Variants in FAM107B observed in about 807,000 individuals in gnomAD.
The protein encoded by FAM107B is family with sequence similarity 107 member B.
Under a neutral mutation model 31.5 loss-of-function variants are expected in FAM107B, and 21 were observed. The observed-to-expected ratio is 0.67, with a 90% CI of 0.47 to 0.96. The LOEUF is 0.96. Ranked by LOEUF, FAM107B falls within the 40% of genes least tolerant of loss-of-function variation. The pLI is 0.00. For synonymous variants in FAM107B, 157 were observed against 141.5 expected (o/e 1.11, Z -0.78); for missense variants, 452 against 377.1 (o/e 1.20, Z -1.64).
At chr10:14,665,030 A>G (rs1405339846) in intron 2 of FAM107B, among the ~76,000 whole-genome samples, 1 of 152,222 alleles carries the variant, frequency 6.6e-6, no homozygotes, top group East Asian at 1.9e-4. Flanking sequence ...GGACCCAAGC[A>G]TTTTTAAGAA....
intron 2 of FAM107B, among the ~76,000 whole-genome samples, chr10:14,659,266 C>T (rs1404276506): frequency 6.6e-6 from 1 of 152,034 alleles, no homozygotes; most frequent in Non-Finnish European, 1.5e-5. Context: ...CATGGCAAAA[C>T]CCCGTCTCTA....
At chr10:14,707,553 C>T (rs1319730821) in intron 1 of FAM107B, among the ~76,000 whole-genome samples, 1 of 152,166 alleles carries the variant, frequency 6.6e-6, no homozygotes, top group Non-Finnish European at 1.5e-5. Context: ...GGCCCTTCTC[C>T]CACTTTGTGA....
chr10:14,692,513 C>T (rs1031903924), intron 1 of FAM107B, among the ~76,000 whole-genome samples: 3 of 152,100 alleles, frequency 2.0e-5, no homozygotes, highest in Non-Finnish European at 4.4e-5. Context: ...TTTAAAGTAC[C>T]TCATAAATTC....
intron 1 of FAM107B, among the ~76,000 whole-genome samples, chr10:14,731,853 C>T (rs1005280648): frequency 2.0e-5 from 3 of 152,172 alleles, no homozygotes; most frequent in African/African-American, 7.2e-5. Flanking sequence ...TGGGCTACAC[C>T]ATCTAGGTTT....
intron 2 of FAM107B, among the ~76,000 whole-genome samples, chr10:14,643,953 GACATAAGAAA>G (rs1256066971): frequency 6.6e-6 from 1 of 152,188 alleles, no homozygotes; most frequent in African/African-American, 2.4e-5. Flanking sequence ...TTTGGGCAAA[GACATAAGAAA>G]ACAGCTGTCC....
chr10:14,633,810 T>C (rs776347880), intron 2 of FAM107B, among the ~76,000 whole-genome samples: 45 of 152,178 alleles, frequency 3.0e-4, no homozygotes, highest in Non-Finnish European at 6.0e-4. Flanking sequence ...AGACACCTGG[T>C]TTACAGAATT....
intron 1 of FAM107B, among the ~76,000 whole-genome samples, chr10:14,738,556 C>A (rs570536146): frequency 6.6e-5 from 10 of 152,266 alleles, no homozygotes; most frequent in African/African-American, 2.4e-4. Flanking sequence ...GGATTCCCAG[C>A]AGTAACCTAT....
chr10:14,664,171 C>T (rs1854344754), intron 2 of FAM107B, among the ~76,000 whole-genome samples: 1 of 152,204 alleles, frequency 6.6e-6, no homozygotes, highest in Admixed American at 6.5e-5. Context: ...TTTCTCCTAG[C>T]TCTCTGTGTT....
intron 2 of FAM107B, among the ~76,000 whole-genome samples, chr10:14,581,713 C>T (rs550179933): frequency 6.6e-6 from 1 of 152,302 alleles, no homozygotes; most frequent in East Asian, 1.9e-4. Context: ...ACAGCCTGGG[C>T]ACCATAGCAA....
intron 2 of FAM107B, among the ~76,000 whole-genome samples, chr10:14,598,862 TACTAG>T (rs1189867644): frequency 2.6e-5 from 4 of 152,122 alleles, no homozygotes; most frequent in Non-Finnish European, 5.9e-5. Context: ...CAGATGAGAA[TACTAG>T]AGCTCAAGGG....
At chr10:14,643,900 T>C (rs1177144052) in intron 2 of FAM107B, among the ~76,000 whole-genome samples, 1 of 152,208 alleles carries the variant, frequency 6.6e-6, no homozygotes, top group Admixed American at 6.5e-5. Context: ...ACTGCAGGCT[T>C]CTGGGAAATA....
At chr10:14,549,919 A>AAACAC (rs1849098899) in intron 2 of FAM107B, among the ~76,000 whole-genome samples, 1 of 152,220 alleles carries the variant, frequency 6.6e-6, no homozygotes, top group Non-Finnish European at 1.5e-5. Context: ...AGAATGATGA[A>AAACAC]AGCCTAAAAA....
intron 2 of FAM107B, among the ~76,000 whole-genome samples, chr10:14,610,919 A>G (rs952776702): frequency 6.6e-6 from 1 of 152,250 alleles, no homozygotes; most frequent in Non-Finnish European, 1.5e-5. Context: ...TGTACTGCCT[A>G]AAACACTTAA....
intron 1 of FAM107B, among the ~76,000 whole-genome samples, chr10:14,723,019 C>A (rs894072961): frequency 6.6e-6 from 1 of 152,162 alleles, no homozygotes; most frequent in East Asian, 1.9e-4. Flanking sequence ...GTCCAATGGC[C>A]GTCTTTTACA....
At chr10:14,684,760 C>T (rs979596288) in intron 1 of FAM107B, among the ~76,000 whole-genome samples, 4 of 152,058 alleles carry the variant, frequency 2.6e-5, no homozygotes, top group African/African-American at 9.7e-5. Context: ...TACCTAGTAC[C>T]TCTCCATTTA....
At chr10:14,678,598 A>G (rs990160976) in intron 1 of FAM107B, among the ~76,000 whole-genome samples, 9 of 139,680 alleles carry the variant, frequency 6.4e-5, no homozygotes, top group Non-Finnish European at 1.5e-4. Context: ...TCCTAACGCT[A>G]ACAAATAGCT....
At chr10:14,700,844 A>C (rs1855381868) in intron 1 of FAM107B, among the ~76,000 whole-genome samples, 1 of 150,978 alleles carries the variant, frequency 6.6e-6, no homozygotes, top group African/African-American at 2.4e-5. Context: ...AAAAAAAAAA[A>C]AAAAAAAACG....
At chr10:14,741,972 C>T (rs898108697) in intron 1 of FAM107B, among the ~76,000 whole-genome samples, 1 of 152,028 alleles carries the variant, frequency 6.6e-6, no homozygotes, top group Non-Finnish European at 1.5e-5. Flanking sequence ...CCTCGGTCTC[C>T]CAAAGTGCTG....
chr10:14,535,112 T>C (rs78792521), intron 2 of FAM107B, among the ~76,000 whole-genome samples: 3,390 of 152,316 alleles, frequency 0.022, 66 homozygotes, highest in East Asian at 0.09. Flanking sequence ...ACATCATTTC[T>C]AGAAATAAAC....
Sources: gnomAD v4.1 joint callset for allele counts (sites outside exome capture counted in the v4.1 genomes callset) on GRCh38, gnomAD v4.1.1 for gene constraint, MANE v1.5 for transcripts, NCBI Gene and HGNC (gene_info 2026-07-23, HGNC 2026-07-21) for gene names.